The following LUZP2 variants were observed in gnomAD, a reference collection of about 807,000 sequenced individuals.
LUZP2 encodes leucine zipper protein 2.
A neutral mutation model predicts 51.6 loss-of-function variants in LUZP2; 52 were observed. The ratio of observed to expected loss-of-function variants is 1.01; its 90% confidence interval spans 0.81 to 1.27. The LOEUF (loss-of-function observed/expected upper bound fraction) is 1.27. Among genes scored for constraint, LUZP2 ranks in the 50% most tolerant of loss-of-function variants. The pLI is 0.00. For missense variants in LUZP2, 436 were observed against 395.4 expected, an observed-to-expected ratio of 1.10 and a Z score of -0.87; for synonymous variants, 154 against 137.3, an observed-to-expected ratio of 1.12 and a Z score of -0.85.
At chr11:24,603,792 C>G (rs774306222) in intron 1 of LUZP2, among the ~76,000 whole-genome samples, 9 of 151,604 alleles carry the variant, frequency 5.9e-5, no homozygotes, top group Non-Finnish European at 1.0e-4. Flanking sequence ...GTCCAGCTTA[C>G]ATGATTTGTA....
At chr11:24,746,716 TC>T (rs1270783566) in intron 4 of LUZP2, among the ~76,000 whole-genome samples, 3 of 152,212 alleles carry the variant, frequency 2.0e-5, no homozygotes, top group African/African-American at 7.2e-5. Flanking sequence ...CTCAGCATAA[TC>T]CCAGACTTCT....
intron 6 of LUZP2, among the ~76,000 whole-genome samples, chr11:24,910,716 C>G (rs1444575934): frequency 6.6e-6 from 1 of 152,192 alleles, no homozygotes; most frequent in Non-Finnish European, 1.5e-5. Flanking sequence ...GCGGAAGCCA[C>G]ATGGATAACC....
chr11:24,959,315 G>A (rs1855319162), intron 7 of LUZP2, among the ~76,000 whole-genome samples: 1 of 152,060 alleles, frequency 6.6e-6, no homozygotes, highest in Non-Finnish European at 1.5e-5. Flanking sequence ...GCTTGATGGG[G>A]ATGGCATTGA....
intron 1 of LUZP2, among the ~76,000 whole-genome samples, chr11:24,581,145 CA>C (rs1852837504): frequency 1.5e-5 from 2 of 129,738 alleles, no homozygotes; most frequent in African/African-American, 2.9e-5. Flanking sequence ...TAAATTTCTT[CA>C]AAAGTAAAGA....
intron 1 of LUZP2, among the ~76,000 whole-genome samples, chr11:24,674,324 C>T (rs1856482259): frequency 6.6e-6 from 1 of 152,176 alleles, no homozygotes; most frequent in African/African-American, 2.4e-5. Context: ...CCCGACATCT[C>T]TTTCATCCTT....
intron 9 of LUZP2, among the ~76,000 whole-genome samples, chr11:25,026,614 T>C (rs1231449282): frequency 6.6e-6 from 1 of 152,084 alleles, no homozygotes; most frequent in Non-Finnish European, 1.5e-5. Flanking sequence ...GTGTGGCCTC[T>C]ATTATTTACT....
At chr11:25,029,247 G>A (rs746638185) in intron 9 of LUZP2, among the ~76,000 whole-genome samples, 9 of 152,106 alleles carry the variant, frequency 5.9e-5, no homozygotes, top group African/African-American at 1.9e-4. Flanking sequence ...TTTGTTACTC[G>A]AAGGATAAAT....
At chr11:24,526,601 A>T (rs1186611784) in intron 1 of LUZP2, among the ~76,000 whole-genome samples, 1 of 151,388 alleles carries the variant, frequency 6.6e-6, no homozygotes, top group Non-Finnish European at 1.5e-5. Context: ...CGTTGTTAAA[A>T]CATCTGATGC....
intron 5 of LUZP2, among the ~76,000 whole-genome samples, chr11:24,865,610 CT>C (rs1452110500): frequency 2.1e-4 from 32 of 152,076 alleles, no homozygotes; most frequent in African/African-American, 7.7e-4. Flanking sequence ...CTCACTCCCT[CT>C]CTCATTTATC....
intron 11 of LUZP2, among the ~76,000 whole-genome samples, chr11:25,077,939 G>A (rs980718884): frequency 7.2e-5 from 11 of 152,074 alleles, no homozygotes; most frequent in African/African-American, 2.7e-4. Flanking sequence ...TTGACTATAT[G>A]AGGCTCTCAG....
At chr11:25,048,578 T>G (rs1248086613) in intron 9 of LUZP2, among the ~76,000 whole-genome samples, 1 of 152,174 alleles carries the variant, frequency 6.6e-6, no homozygotes, top group Non-Finnish European at 1.5e-5. Context: ...AAAGGGCAAC[T>G]GCAAATTTAT....
intron 5 of LUZP2, among the ~76,000 whole-genome samples, chr11:24,778,666 A>G (rs992079399): frequency 1.3e-5 from 2 of 152,100 alleles, no homozygotes; most frequent in Non-Finnish European, 1.5e-5. Context: ...GAAGGAACAT[A>G]AAAAGGAAGA....
chr11:24,706,171 A>T (rs1023765358), intron 1 of LUZP2, among the ~76,000 whole-genome samples: 2 of 152,202 alleles, frequency 1.3e-5, no homozygotes, highest in Non-Finnish European at 2.9e-5. Flanking sequence ...CCATTTTATA[A>T]TATGCTTTTA....
intron 1 of LUZP2, among the ~76,000 whole-genome samples, chr11:24,685,212 T>C (rs1385688173): frequency 6.6e-6 from 1 of 152,142 alleles, no homozygotes; most frequent in African/African-American, 2.4e-5. Flanking sequence ...AAAGCCAACT[T>C]TCTTACCAAA....
intron 7 of LUZP2, among the ~76,000 whole-genome samples, chr11:24,973,230 G>T (rs2133899528): frequency 6.6e-6 from 1 of 151,488 alleles, no homozygotes; most frequent in Admixed American, 6.6e-5. Context: ...TATGTGCATA[G>T]AGGTGTTTAT....
intron 9 of LUZP2, among the ~76,000 whole-genome samples, chr11:24,985,152 C>A (rs932940587): frequency 2.0e-5 from 3 of 151,518 alleles, no homozygotes; most frequent in African/African-American, 7.3e-5. Context: ...TGTTTTTCTT[C>A]TATGTACCAG....
chr11:24,617,937 A>C (rs541895841), intron 1 of LUZP2, among the ~76,000 whole-genome samples: 5 of 152,168 alleles, frequency 3.3e-5, no homozygotes, highest in Non-Finnish European at 5.9e-5. Flanking sequence ...TATTTAAACC[A>C]TCTGTTTTAA....
At chr11:24,836,893 C>G (rs746284121) in intron 5 of LUZP2, among the ~76,000 whole-genome samples, 1 of 151,742 alleles carries the variant, frequency 6.6e-6, no homozygotes, top group Non-Finnish European at 1.5e-5. Flanking sequence ...GATTTTGATG[C>G]TTGGATTAAA....
chr11:24,730,252 G>C (rs1486712), intron 2 of LUZP2, among the ~76,000 whole-genome samples: 1 of 151,518 alleles, frequency 6.6e-6, no homozygotes, highest in Non-Finnish European at 1.5e-5. Context: ...CATGAAGACT[G>C]TTAGTCACAT....
Sources: gnomAD v4.1 joint callset for allele counts (sites outside exome capture counted in the v4.1 genomes callset) on GRCh38, gnomAD v4.1.1 for gene constraint, MANE v1.5 for transcripts, NCBI Gene and HGNC (gene_info 2026-07-23, HGNC 2026-07-21) for gene names.